Variants in MAP2 observed in about 807,000 individuals in gnomAD.
The protein encoded by MAP2 is microtubule associated protein 2.
Under a neutral mutation model 137.6 loss-of-function variants are expected in MAP2, and 14 were observed. The ratio of observed to expected loss-of-function variants is 0.10; its 90% CI spans 0.07 to 0.16. The LOEUF is 0.16. Among genes scored for constraint, MAP2 ranks in the 10% least tolerant of loss-of-function variants. The pLI is 1.00. For synonymous variants in MAP2, 786 were observed against 782.3 expected (o/e 1.00, Z -0.08); for missense variants, 2,088 against 2,191.5 (o/e 0.95, Z 0.94).
intron 2 of MAP2, among the ~76,000 whole-genome samples, chr2:209,545,460 A>G (rs370663500): frequency 6.6e-6 from 1 of 152,130 alleles, no homozygotes; most frequent in Non-Finnish European, 1.5e-5. Flanking sequence ...AATAAACATT[A>G]ATTAGTTGAC....
intron 2 of MAP2, among the ~76,000 whole-genome samples, chr2:209,542,948 TGA>T (rs1285532252): frequency 6.6e-6 from 1 of 152,258 alleles, no homozygotes; most frequent in Non-Finnish European, 1.5e-5. Flanking sequence ...TAATTTCCTC[TGA>T]GAACTTTTCA....
At chr2:209,495,435 G>C (rs1383304950) in intron 1 of MAP2, among the ~76,000 whole-genome samples, 1 of 152,254 alleles carries the variant, frequency 6.6e-6, no homozygotes, top group Admixed American at 6.5e-5. Context: ...ATACGGGAGA[G>C]CTCCGGCTGG....
chr2:209,681,962 T>C (rs976625876), intron 7 of MAP2, among the ~76,000 whole-genome samples: 2 of 152,146 alleles, frequency 1.3e-5, no homozygotes, highest in Non-Finnish European at 2.9e-5. Flanking sequence ...TCCAATTTAC[T>C]GCCTGAAATA....
At chr2:209,452,848 A>G (rs1700630135) in intron 1 of MAP2, among the ~76,000 whole-genome samples, 1 of 152,152 alleles carries the variant, frequency 6.6e-6, no homozygotes, top group Non-Finnish European at 1.5e-5. Context: ...GCATTCTTTT[A>G]TTTAACAATC....
At chr2:209,523,384 A>G (rs2150422899) in intron 2 of MAP2, among the ~76,000 whole-genome samples, 1 of 152,256 alleles carries the variant, frequency 6.6e-6, no homozygotes, top group Non-Finnish European at 1.5e-5. Context: ...TGTTGCCCAC[A>G]TTCACTCTTA....
At chr2:209,531,032 A>G (rs984355105) in intron 2 of MAP2, among the ~76,000 whole-genome samples, 2 of 152,172 alleles carry the variant, frequency 1.3e-5, no homozygotes, top group African/African-American at 2.4e-5. Context: ...ATTTTCGCCA[A>G]TGCTGTGAAA....
intron 2 of MAP2, among the ~76,000 whole-genome samples, chr2:209,559,214 C>T (rs1178954607): frequency 6.6e-6 from 1 of 151,994 alleles, no homozygotes; most frequent in Non-Finnish European, 1.5e-5. Flanking sequence ...CTTCTCTCTC[C>T]CCGCCGACGC....
At chr2:209,454,798 TTG>T (rs113058812) in intron 1 of MAP2, among the ~76,000 whole-genome samples, 4 of 151,926 alleles carry the variant, frequency 2.6e-5, no homozygotes, top group Admixed American at 1.3e-4. Context: ...ATTGCACTCA[TTG>T]TGTGTGTGTG....
At chr2:209,633,303 GGTATTAATT>G (rs2093271964) in intron 4 of MAP2, among the ~76,000 whole-genome samples, 1 of 152,048 alleles carries the variant, frequency 6.6e-6, no homozygotes, top group Non-Finnish European at 1.5e-5. Context: ...CTAAAAAAGT[GGTATTAATT>G]GTGCCTTTAG....
At chr2:209,540,291 A>G (rs1488560418) in intron 2 of MAP2, among the ~76,000 whole-genome samples, 5 of 151,966 alleles carry the variant, frequency 3.3e-5, no homozygotes, top group Admixed American at 6.6e-5. Flanking sequence ...ATGTTTTAGC[A>G]TTTGTATAAT....
rs765121359 is a variant in MAP2, at chr2:209,695,669, G to A, written c.3499G>A (p.Val1167Ile). 36 of 1,613,970 alleles carry A rather than the reference G, an allele frequency of 2.2e-5. No individual in the cohort carries two copies. Among genetic ancestry groups the A allele is most frequent in the South Asian group, 2.2e-4 (20 of 91,078 alleles). ...ESSLIQDEIA[V>I]KLSVEIPCPP... is the part of the protein sequence containing the mutation. ...ATCTCTAATTCAAGATGAGATTGCC[G>A]TCAAATTGTCAGTGGAAATACCTTG... The change falls in exon 8 of 16, where the codon GTC becomes ATC. Residue 1167 changes from valine to isoleucine, a missense_variant. Val to Ile is a conservative substitution (Grantham distance 29, BLOSUM62 3). Around this residue, in one of 6 missense-constraint regions of MAP2, gnomAD observed 591 missense variants for 642.6 expected, o/e 0.92. Transcript: ENST00000682079.
At chr2:209,589,823 T>C (rs1366550753) in intron 3 of MAP2, among the ~76,000 whole-genome samples, 1 of 152,210 alleles carries the variant, frequency 6.6e-6, no homozygotes, top group Non-Finnish European at 1.5e-5. Context: ...AAATTATTAA[T>C]GTTTCAAAAG....
At chr2:209,678,995 A>G (rs2053258634) in intron 6 of MAP2, among the ~76,000 whole-genome samples, 2 of 152,080 alleles carry the variant, frequency 1.3e-5, no homozygotes, top group South Asian at 4.1e-4. Flanking sequence ...GCCTTATTTC[A>G]TGACCTCCAC....
At chr2:209,508,158 T>C (rs747652860) in intron 2 of MAP2, among the ~76,000 whole-genome samples, 33 of 151,886 alleles carry the variant, frequency 2.2e-4, no homozygotes, top group Non-Finnish European at 4.0e-4. Context: ...TTGGCCTTAA[T>C]TGAGACTCGA....
At chr2:209,705,056 T>C (rs1320831532) in intron 11 of MAP2, among the ~76,000 whole-genome samples, 1 of 152,060 alleles carries the variant, frequency 6.6e-6, no homozygotes, top group Non-Finnish European at 1.5e-5. Flanking sequence ...CTCAATTGTC[T>C]TGAAACAATT....
intron 3 of MAP2, among the ~76,000 whole-genome samples, chr2:209,608,457 C>T (rs139143301): frequency 6.6e-6 from 1 of 152,044 alleles, no homozygotes; most frequent in East Asian, 1.9e-4. Context: ...TGGCTAATTT[C>T]TAATTTTTTT....
chr2:209,650,352 G>A (rs938317404), intron 4 of MAP2, among the ~76,000 whole-genome samples: 3 of 152,110 alleles, frequency 2.0e-5, no homozygotes, highest in Non-Finnish European at 2.9e-5. Context: ...ATCCAGTAGC[G>A]TATCAAAAGC....
At chr2:209,623,987 A>C (rs908306316) in intron 3 of MAP2, among the ~76,000 whole-genome samples, 7 of 152,216 alleles carry the variant, frequency 4.6e-5, no homozygotes, top group Admixed American at 3.3e-4. Context: ...TAACACATGT[A>C]AAAGCACTTC....
In MAP2 at chr2:209,572,907, T is replaced by G. The variant is rs2074645446; in HGVS notation, c.-171-7129T>G. On this transcript the variant is annotated intron_variant, in intron 2 of 15. Coordinates refer to ENST00000682079, the MANE Select transcript of MAP2 (RefSeq NM_001375505.1). ...GATTGTCTTTCAACTCCTGACCAGT[T>G]GTTCTTTATCACATAAATCAGGGAT... Among the ~76,000 whole-genome samples, 3 of 152,238 alleles carry G rather than the reference T, an allele frequency of 2.0e-5. 1 individual carries two copies. The South Asian group carries it at 6.2e-4, about 31-fold the overall frequency.
Sources: allele counts gnomAD v4.1 joint callset (sites outside exome capture counted in the v4.1 genomes callset), GRCh38; gene constraint gnomAD v4.1.1; regional missense constraint gnomAD v4.1.1; transcripts MANE v1.5; gene names NCBI Gene and HGNC (gene_info 2026-07-23, HGNC 2026-07-21).